DLC1: variants seen among roughly 807,000 people sequenced by gnomAD.
DLC1 encodes DLC1 Rho GTPase activating protein.
DLC1 carries 54 observed loss-of-function variants against 140.3 expected under a neutral mutation model. The observed-to-expected ratio is 0.38, with a 90% CI of 0.31 to 0.48. The LOEUF (loss-of-function observed/expected upper bound fraction) is 0.48. Ranked by LOEUF, DLC1 falls within the 20% of genes least tolerant of loss-of-function variation. DLC1 has a pLI of 0.96. For synonymous variants in DLC1, 986 were observed against 728.1 expected, an observed-to-expected ratio of 1.35 and a Z score of -5.70; for missense variants, 2,536 against 1,907.0, an observed-to-expected ratio of 1.33 and a Z score of -6.14.
At chr8:13,470,064 C>G (rs1800137518) in intron 2 of DLC1, among the ~76,000 whole-genome samples, 2 of 152,096 alleles carry the variant, frequency 1.3e-5, no homozygotes, top group Admixed American at 1.3e-4. Flanking sequence ...GCCACCCATT[C>G]AACCTTATTT....
chr8:13,119,483 G>A (rs1224303825), intron 5 of DLC1, among the ~76,000 whole-genome samples: 7 of 152,088 alleles, frequency 4.6e-5, no homozygotes, highest in East Asian at 3.9e-4. Flanking sequence ...CCTCTCAACA[G>A]TTCTATATCA....
At chr8:13,508,669 C>T (rs528086468) in intron 1 of DLC1, among the ~76,000 whole-genome samples, 100 of 152,088 alleles carry the variant, frequency 6.6e-4, no homozygotes, top group Non-Finnish European at 1.0e-3. Flanking sequence ...CTGCCCACCT[C>T]GGCCTCCCAA....
At chr8:13,578,962 C>A (rs1161559923) in intron 1 of DLC1, among the ~76,000 whole-genome samples, 1 of 151,994 alleles carries the variant, frequency 6.6e-6, no homozygotes, top group African/African-American at 2.4e-5. Context: ...AAAGTTCCAA[C>A]GTTTTATTAC....
At chr8:13,487,721 C>G (rs1212896108) in intron 2 of DLC1, among the ~76,000 whole-genome samples, 1 of 151,972 alleles carries the variant, frequency 6.6e-6, no homozygotes, top group Non-Finnish European at 1.5e-5. Flanking sequence ...GACAGGTGCC[C>G]ACCACCATGT....
intron 5 of DLC1, among the ~76,000 whole-genome samples, chr8:13,303,133 C>A (rs1452436952): frequency 6.6e-6 from 1 of 152,016 alleles, no homozygotes; most frequent in African/African-American, 2.4e-5. Flanking sequence ...ACATTTTCTC[C>A]TAAATATATC....
At chr8:13,303,014 T>C (rs1199046488) in intron 5 of DLC1, among the ~76,000 whole-genome samples, 1 of 152,246 alleles carries the variant, frequency 6.6e-6, no homozygotes, top group Non-Finnish European at 1.5e-5. Context: ...TGAATTGTCA[T>C]ATTTGTTACC....
intron 4 of DLC1, among the ~76,000 whole-genome samples, chr8:13,358,715 A>T (rs1835063882): frequency 6.6e-6 from 1 of 152,170 alleles, no homozygotes; most frequent in Non-Finnish European, 1.5e-5. Context: ...AACAAAGATA[A>T]AGGAAATGGA....
chr8:13,435,970 T>C (rs1040195375), intron 2 of DLC1, among the ~76,000 whole-genome samples: 1 of 152,178 alleles, frequency 6.6e-6, no homozygotes, highest in Non-Finnish European at 1.5e-5. Flanking sequence ...AGCAAAAAGA[T>C]TGAGCTGCTG....
rs1836322048 is a variant in DLC1, at chr8:13,382,530, A to AGAAAGG, written c.1314+11022_1314+11023insCCTTTC. ...CAAAAAAAAAAAAAAAAAAAAAAAAAAAGAAAGAGGAGACAGATAAGCTAA... is the reference window on the plus strand; with the variant it reads ...CAAAAAAAAAAAAAAAAAAAAAAAAAGAAAGGAAGAAAGAGGAGACAGATAAGCTAA... On this transcript the variant is annotated intron_variant, in intron 4 of 17. Coordinates refer to ENST00000276297, the MANE Select transcript of DLC1 (RefSeq NM_182643.3). Among the ~76,000 whole-genome samples, 3 of 51,842 alleles carry AGAAAGG rather than the reference A, an allele frequency of 5.8e-5. 1 individual carries two copies. The highest frequency in any genetic ancestry group is 4.2e-4 in the Admixed American group (2 of 4,766). The allele number at this position is 51,842 out of a possible 152,430, so 34.0% of individuals were successfully genotyped here.
At chr8:13,211,111 A>C (rs1465762582) in intron 5 of DLC1, among the ~76,000 whole-genome samples, 2 of 152,196 alleles carry the variant, frequency 1.3e-5, no homozygotes, top group East Asian at 1.9e-4. Flanking sequence ...TATTTGCTTA[A>C]GACATGCCCA....
At chr8:13,542,873 C>G (rs756398704) in intron 1 of DLC1, among the ~76,000 whole-genome samples, 14 of 151,932 alleles carry the variant, frequency 9.2e-5, no homozygotes, top group Admixed American at 2.0e-4. Context: ...TGTTGATTCC[C>G]TATGAGTTTT....
intron 5 of DLC1, among the ~76,000 whole-genome samples, chr8:13,241,821 T>G (rs945054148): frequency 6.6e-6 from 1 of 152,132 alleles, no homozygotes; most frequent in African/African-American, 2.4e-5. Context: ...TTAGCCAGTT[T>G]GGTATATCCA....
At chr8:13,487,115 T>C (rs947819072) in intron 2 of DLC1, among the ~76,000 whole-genome samples, 2 of 152,174 alleles carry the variant, frequency 1.3e-5, no homozygotes, top group African/African-American at 4.8e-5. Context: ...CTTACTAATG[T>C]AGTGCCTGCA....
At chr8:13,143,482 G>T (rs1395206833) in intron 5 of DLC1, among the ~76,000 whole-genome samples, 4 of 152,148 alleles carry the variant, frequency 2.6e-5, no homozygotes, top group African/African-American at 7.2e-5. Context: ...TTGAGACAGG[G>T]TCTCAATCTG....
At chr8:13,331,916 G>A (rs73216395) in intron 4 of DLC1, among the ~76,000 whole-genome samples, 8,375 of 152,084 alleles carry the variant, frequency 0.055, 283 homozygotes, top group South Asian at 0.14. Flanking sequence ...TTTCCTAGAC[G>A]CTTTCTTGAC....
At chr8:13,224,020 T>C (rs1330324572) in intron 5 of DLC1, among the ~76,000 whole-genome samples, 1 of 152,176 alleles carries the variant, frequency 6.6e-6, no homozygotes, top group African/African-American at 2.4e-5. Context: ...GTTGTCAAGA[T>C]CGCATTATGT....
At chr8:13,411,092 A>G (rs562394065) in intron 2 of DLC1, among the ~76,000 whole-genome samples, 1 of 152,342 alleles carries the variant, frequency 6.6e-6, no homozygotes, top group South Asian at 2.1e-4. Flanking sequence ...TTGAAAATGT[A>G]TGTCCCCATA....
intron 5 of DLC1, among the ~76,000 whole-genome samples, chr8:13,160,725 T>C (rs561741752): frequency 6.0e-4 from 91 of 152,262 alleles, no homozygotes; most frequent in African/African-American, 2.0e-3. Flanking sequence ...CAGGTAATGA[T>C]TGATAATATC....
chr8:13,363,665 C>T (rs568356082), intron 4 of DLC1, among the ~76,000 whole-genome samples: 1 of 151,282 alleles, frequency 6.6e-6, no homozygotes, highest in Admixed American at 6.6e-5. Context: ...TGAAAACAAA[C>T]AAAAAAAACC....
Sources: gnomAD v4.1 joint callset for allele counts (sites outside exome capture counted in the v4.1 genomes callset) on GRCh38, gnomAD v4.1.1 for gene constraint, MANE v1.5 for transcripts, NCBI Gene and HGNC (gene_info 2026-07-23, HGNC 2026-07-21) for gene names.